Variants in LMO7 observed in about 807,000 individuals in gnomAD.
The protein encoded by LMO7 is LIM domain 7.
In LMO7, 120 loss-of-function variants were observed where a neutral mutation model predicts 206.5. The ratio of observed to expected loss-of-function variants is 0.58; its 90% CI spans 0.50 to 0.68. The LOEUF is 0.68. Ranked by LOEUF, LMO7 falls within the 30% of genes least tolerant of loss-of-function variation. The pLI is 0.00. For synonymous variants in LMO7, 706 were observed against 681.5 expected (o/e 1.04, Z -0.56); for missense variants, 1,959 against 1,957.9 (o/e 1.00, Z -0.01).
At chr13:75,810,703 A>G (rs2141141734) in intron 11 of LMO7, among the ~76,000 whole-genome samples, 1 of 152,384 alleles carries the variant, frequency 6.6e-6, no homozygotes, top group East Asian at 1.9e-4. Flanking sequence ...AGCAGCTCTC[A>G]GAAATAGTTG....
upstream of LMO7, among the ~76,000 whole-genome samples, chr13:75,632,741 G>A (rs1440296866): frequency 6.6e-6 from 1 of 152,098 alleles, no homozygotes; most frequent in African/African-American, 2.4e-5. Flanking sequence ...AATAATTCTT[G>A]TGAAGCTTGC....
At chr13:75,729,581 A>C (rs1032650268) in intron 3 of LMO7, among the ~76,000 whole-genome samples, 6 of 151,202 alleles carry the variant, frequency 4.0e-5, no homozygotes. Flanking sequence ...AAACAGGGAC[A>C]ATTTGACTTC....
chr13:75,856,168 C>T (rs2060921263), intron 29 of LMO7, among the ~76,000 whole-genome samples: 1 of 152,194 alleles, frequency 6.6e-6, no homozygotes, highest in Non-Finnish European at 1.5e-5. Flanking sequence ...CCTTCATTCA[C>T]TCTGGCCACT....
chr13:75,671,826 T>C (rs1444293267), intron 1 of LMO7, among the ~76,000 whole-genome samples: 1 of 152,100 alleles, frequency 6.6e-6, no homozygotes, highest in African/African-American at 2.4e-5. Flanking sequence ...TCAAGTTCCA[T>C]AGCCAGCCTG....
Position 75,858,889 on chromosome 13 carries a change from A to G in LMO7, c.*946A>G, listed in dbSNP as rs2061145423. The G allele has an allele frequency of 6.6e-6, 1 of 152,188 alleles. No homozygotes were observed. Among genetic ancestry groups the G allele is most frequent in the Admixed American group, 6.5e-5 (1 of 15,270 alleles). The allele number at this position is 152,188 out of a possible 1,614,324, so 9.4% of individuals were successfully genotyped here. Reference sequence around the variant, plus strand: ...ACTATGCCACAGTCTGGATGTGTTTACTGAAACATTTTAATAAGGAAGTTT... The same window carrying G: ...ACTATGCCACAGTCTGGATGTGTTTGCTGAAACATTTTAATAAGGAAGTTT... On this transcript the variant is annotated 3_prime_UTR_variant, in exon 31 of 31. Transcript: ENST00000377534.
intron 1 of LMO7, among the ~76,000 whole-genome samples, chr13:75,683,143 C>G (rs2040692414): frequency 6.6e-6 from 1 of 151,350 alleles, no homozygotes; most frequent in Non-Finnish European, 1.5e-5. Context: ...ATTGCAACCT[C>G]CACCTCCTGG....
At chr13:75,783,666 G>A (rs766432862) in intron 4 of LMO7, among the ~76,000 whole-genome samples, 1 of 152,118 alleles carries the variant, frequency 6.6e-6, no homozygotes, top group Non-Finnish European at 1.5e-5. Flanking sequence ...AGACAAGAGA[G>A]CTTGAATGAG....
At chr13:75,855,094 T>TA in intron 28 of LMO7, 166 bp from the exon 29 acceptor site, 2 of 537,274 alleles carry the variant, frequency 3.7e-6, no homozygotes, top group Non-Finnish European at 6.7e-6. Context: ...AGTTAGAGTA[T>TA]AATCAAGGCA....
chr13:75,678,157 C>T (rs760684813), intron 1 of LMO7, among the ~76,000 whole-genome samples: 1 of 152,050 alleles, frequency 6.6e-6, no homozygotes, highest in Non-Finnish European at 1.5e-5. Context: ...GGTATATACC[C>T]AGTAATGGGA....
intron 30 of LMO7, 193 bp downstream of exon 30, chr13:75,856,801 A>G: frequency 2.0e-6 from 1 of 501,670 alleles, no homozygotes; most frequent in Non-Finnish European, 3.6e-6. Context: ...CCAGCTACAC[A>G]GGAGTGGGTT....
chr13:75,727,358 G>T (rs1412186063), intron 3 of LMO7, among the ~76,000 whole-genome samples: 1 of 151,772 alleles, frequency 6.6e-6, no homozygotes, highest in African/African-American at 2.4e-5. Context: ...AAATGATATA[G>T]ATGACATACT....
chr13:75,734,056 GTTACT>G (rs898811440), intron 3 of LMO7, among the ~76,000 whole-genome samples: 2 of 152,218 alleles, frequency 1.3e-5, no homozygotes, highest in African/African-American at 4.8e-5. Flanking sequence ...TGCTAACTCT[GTTACT>G]TTATGTAATA....
rs539515990 is a variant in LMO7 at position 75,723,825 on chromosome 13, C to G, written c.141-3204C>G. ...TAGTCTGTTTGGGCTGCTGCTATAT[C>G]AAGATACCATAAATTAGGTAGTTTA... On this transcript the variant is annotated intron_variant, in intron 2 of 30. Coordinates refer to ENST00000377534, the MANE Select transcript of LMO7 (RefSeq NM_001306080.2). 1.1e-4 allele frequency among the ~76,000 whole-genome samples: 17 copies of G among 152,222 alleles called. No homozygotes were observed. In the South Asian group the frequency reaches 1.2e-3, roughly 11 times the overall value.
chr13:75,723,744 T>C (rs1463133583), intron 2 of LMO7, among the ~76,000 whole-genome samples: 1 of 152,132 alleles, frequency 6.6e-6, no homozygotes, highest in Non-Finnish European at 1.5e-5. Context: ...GCGGACAATT[T>C]GAAAGTAAGG....
intron 3 of LMO7, chr13:75,760,538 G>A (rs903771080): frequency 3.1e-6 from 4 of 1,289,642 alleles, no homozygotes; most frequent in Non-Finnish European, 3.9e-6. Context: ...TCAGTAGCTG[G>A]AGTTATTTTT....
chr13:75,707,103 T>G (rs927060612), intron 1 of LMO7, among the ~76,000 whole-genome samples: 2 of 151,740 alleles, frequency 1.3e-5, no homozygotes, highest in African/African-American at 4.8e-5. Context: ...TAAATCTGAT[T>G]GGTTTTGGCT....
chr13:75,755,866 G>A (rs953294923), intron 3 of LMO7, among the ~76,000 whole-genome samples: 4 of 152,182 alleles, frequency 2.6e-5, no homozygotes, highest in Non-Finnish European at 5.9e-5. Context: ...GACCTACAGA[G>A]TGTTGAAGTG....
chr13:75,664,424 C>A (rs1256367456), intron 1 of LMO7, among the ~76,000 whole-genome samples: 1 of 152,066 alleles, frequency 6.6e-6, no homozygotes, highest in East Asian at 1.9e-4. Flanking sequence ...ATCTGTTCAT[C>A]TGCTGATGGA....
intron 28 of LMO7, among the ~76,000 whole-genome samples, chr13:75,854,547 C>T (rs1020319908): frequency 1.3e-5 from 2 of 152,002 alleles, no homozygotes; most frequent in African/African-American, 2.4e-5. Flanking sequence ...TCCTCTTAAG[C>T]GCCGTGCTCA....
Sources: gnomAD v4.1 joint callset for allele counts (sites outside exome capture counted in the v4.1 genomes callset) on GRCh38, gnomAD v4.1.1 for gene constraint, MANE v1.5 for transcripts, NCBI Gene and HGNC (gene_info 2026-07-23, HGNC 2026-07-21) for gene names.